DNAH6: variants seen among roughly 807,000 people sequenced by gnomAD.
DNAH6 encodes the protein axonemal beta dynein heavy chain 6.
Under a neutral mutation model 491.4 loss-of-function variants are expected in DNAH6, and 340 were observed. The observed-to-expected ratio is 0.69, with a 90% CI of 0.63 to 0.76. The LOEUF is 0.76. Among genes scored for constraint, DNAH6 ranks in the 30% least tolerant of loss-of-function variants. The probability of loss-of-function intolerance (pLI) is 0.00; values close to 1 mark genes in which losing one functional copy is unlikely to be tolerated. For missense variants in DNAH6, 4,443 were observed against 4,972.2 expected (o/e 0.89, Z 3.20); for synonymous variants, 1,603 against 1,686.1 (o/e 0.95, Z 1.21).
intron 9 of DNAH6, among the ~76,000 whole-genome samples, chr2:84,552,525 A>G (rs1240703019): frequency 1.3e-5 from 2 of 152,160 alleles, no homozygotes; most frequent in African/African-American, 2.4e-5. Flanking sequence ...TTTTTACTTA[A>G]GTATATTTGT....
the DNAH6 span, among the ~76,000 whole-genome samples, chr2:84,485,110 C>A: frequency 4.3e-4 from 66 of 152,304 alleles, no homozygotes; most frequent in African/African-American, 1.4e-3. Context: ...TCTCTCTAAC[C>A]TCCTTTATTC....
chr2:84,529,239 T>A, intron 4 of DNAH6, 73 bp downstream of exon 4: 1 of 1,104,044 alleles, frequency 9.1e-7, no homozygotes, highest in South Asian at 1.8e-5. Context: ...TATAATTGAT[T>A]GGATATTAAT....
chr2:84,465,977 C>T, the DNAH6 span, among the ~76,000 whole-genome samples: 2 of 152,124 alleles, frequency 1.3e-5, no homozygotes, highest in African/African-American at 4.8e-5. Flanking sequence ...TTTAAGTTGG[C>T]TTTGATGGAA....
chr2:84,649,690 C>G (rs1690232182), intron 33 of DNAH6, among the ~76,000 whole-genome samples: 1 of 151,928 alleles, frequency 6.6e-6, no homozygotes, highest in Admixed American at 6.6e-5. Flanking sequence ...AGCTGGACAC[C>G]ATTATCCTCA....
At position 84,608,867 on chromosome 2, in the gene DNAH6, A is replaced by G. The variant is rs1686035252; in HGVS notation, c.3294+1772A>G. Among the ~76,000 whole-genome samples the G allele has an allele frequency of 2.6e-5, 4 of 152,326 alleles. No homozygotes were observed. In the South Asian group the frequency reaches 8.3e-4, roughly 32 times the overall value. On this transcript the variant is annotated intron_variant, in intron 21 of 76. Transcript: ENST00000389394. ...AAGTCCTACATGGCATCTTCTTCTA[A>G]TAGAAGGCTATTTTGTCTTCATTGA... is the stretch of plus-strand genomic sequence containing the variant.
intron 33 of DNAH6, among the ~76,000 whole-genome samples, chr2:84,651,871 C>T (rs1690482135): frequency 6.6e-6 from 1 of 151,756 alleles, no homozygotes. Context: ...ACCTTTAATA[C>T]ATTTCTATTT....
chr2:84,656,879 G>A (rs1011900854), intron 35 of DNAH6, among the ~76,000 whole-genome samples: 20 of 151,898 alleles, frequency 1.3e-4, no homozygotes, highest in Non-Finnish European at 1.8e-4. Flanking sequence ...CCTCATGGAT[G>A]GTGCCTTTGG....
At chr2:84,720,334 A>G (rs1227185033) in intron 59 of DNAH6, among the ~76,000 whole-genome samples, 2 of 116,658 alleles carry the variant, frequency 1.7e-5, no homozygotes, top group African/African-American at 6.6e-5. Context: ...GCTGGAGTGC[A>G]GTGGCGGGAT....
intron 33 of DNAH6, among the ~76,000 whole-genome samples, chr2:84,646,970 C>T (rs913176179): frequency 6.6e-6 from 1 of 152,194 alleles, no homozygotes; most frequent in African/African-American, 2.4e-5. Context: ...GCCTCAGCCT[C>T]CCGAGTAGCT....
chr2:84,628,963 G>T (rs374128388), intron 29 of DNAH6, among the ~76,000 whole-genome samples: 1 of 152,030 alleles, frequency 6.6e-6, no homozygotes, highest in African/African-American at 2.4e-5. Flanking sequence ...GAATTTGGGG[G>T]TTATTATTCA....
chr2:84,580,789 GC>G (rs144223190), intron 14 of DNAH6, among the ~76,000 whole-genome samples: 4,634 of 152,102 alleles, frequency 0.03, 256 homozygotes, highest in African/African-American at 0.11. Flanking sequence ...GAAAGCTTAG[GC>G]CAAAATAGGG....
In DNAH6 at chr2:84,819,422, C is replaced by T. The variant is rs1559078614; in HGVS notation, c.*14C>T. 6 of 1,529,190 alleles carry T rather than the reference C, an allele frequency of 3.9e-6. No individual in the cohort carries two copies. The highest frequency in any genetic ancestry group is 5.3e-6 in the Non-Finnish European group (6 of 1,129,794). The allele number at this position is 1,529,190 out of a possible 1,614,324, so 94.7% of individuals were successfully genotyped here. A position where few individuals can be genotyped will look rare whatever the true frequency, so the allele number is the denominator to read the frequency against. On this transcript the variant is annotated 3_prime_UTR_variant, in exon 77 of 77. Coordinates refer to ENST00000389394, the MANE Select transcript of DNAH6 (RefSeq NM_001370.2). Reference sequence around the variant, plus strand: ...CTGAGCGAATGAAAAGGTGCCACCTCAGCCCTGAAAAAGAACCAGGCCAGA... The same window carrying T: ...CTGAGCGAATGAAAAGGTGCCACCTTAGCCCTGAAAAAGAACCAGGCCAGA...
At chr2:84,476,051 C>T in the DNAH6 span, among the ~76,000 whole-genome samples, 5 of 152,276 alleles carry the variant, frequency 3.3e-5, 1 homozygote, top group East Asian at 9.7e-4. Flanking sequence ...GCTTCGTCAG[C>T]CCACCAGGTT....
intron 59 of DNAH6, among the ~76,000 whole-genome samples, chr2:84,720,825 G>A (rs1698075754): frequency 6.6e-6 from 1 of 152,146 alleles, no homozygotes; most frequent in Non-Finnish European, 1.5e-5. Flanking sequence ...AGTTTCAGTA[G>A]GAAGTGAAGG....
intron 59 of DNAH6, among the ~76,000 whole-genome samples, chr2:84,720,554 A>G (rs1698038807): frequency 6.6e-6 from 1 of 152,058 alleles, no homozygotes; most frequent in African/African-American, 2.4e-5. Flanking sequence ...CTGGGATTAC[A>G]GGCGTGAGCC....
chr2:84,808,639 C>A, intron 72 of DNAH6, 97 bp downstream of exon 72: 1 of 1,266,378 alleles, frequency 7.9e-7, no homozygotes, highest in Non-Finnish European at 1.1e-6. Context: ...TTCAGCATTT[C>A]CATTTGGATA....
chr2:84,752,790 A>G (rs902657169), intron 63 of DNAH6, among the ~76,000 whole-genome samples: 1 of 152,194 alleles, frequency 6.6e-6, no homozygotes, highest in African/African-American at 2.4e-5. Flanking sequence ...TGGATATGCC[A>G]CATTTTATAT....
chr2:84,586,858 G>A (rs1683606862), intron 15 of DNAH6, among the ~76,000 whole-genome samples: 1 of 152,110 alleles, frequency 6.6e-6, no homozygotes, highest in African/African-American at 2.4e-5. Context: ...CACAGCATAT[G>A]GTTAAAAAGT....
chr2:84,623,993 G>C (rs559882886), intron 26 of DNAH6, among the ~76,000 whole-genome samples: 1 of 152,260 alleles, frequency 6.6e-6, no homozygotes, highest in East Asian at 1.9e-4. Flanking sequence ...TCTCATTTTT[G>C]CTGCTTCATA....
Sources: gnomAD v4.1 joint callset for allele counts (sites outside exome capture counted in the v4.1 genomes callset) on GRCh38, gnomAD v4.1.1 for gene constraint, MANE v1.5 for transcripts, NCBI Gene and HGNC (gene_info 2026-07-23, HGNC 2026-07-21) for gene names.